VCAN: variants seen among roughly 807,000 people sequenced by gnomAD.
VCAN encodes versican core protein.
VCAN carries 44 observed loss-of-function variants against 245.5 expected under a neutral mutation model. That is an observed-to-expected ratio of 0.18 (90% CI 0.14 to 0.23). The LOEUF is 0.23. Ranked by LOEUF, VCAN falls within the 10% of genes least tolerant of loss-of-function variation. The pLI is 1.00. For synonymous variants in VCAN, 1,413 were observed against 1,437.0 expected (o/e 0.98, Z 0.38); for missense variants, 3,793 against 4,057.9 (o/e 0.93, Z 1.77).
In VCAN at chr5:83,471,908, C is replaced by T. The variant is rs1335576338; in HGVS notation, c.-122C>T. 18 of 393,822 alleles carry T rather than the reference C, an allele frequency of 4.6e-5. No homozygotes were observed. Among genetic ancestry groups the T allele is most frequent in the Non-Finnish European group, 3.1e-5 (7 of 223,630 alleles). The allele number at this position is 393,822 out of a possible 1,614,324, so 24.4% of individuals were successfully genotyped here. On this transcript the variant is annotated 5_prime_UTR_variant, in exon 1 of 15. Coordinates refer to ENST00000265077, the MANE Select transcript of VCAN (RefSeq NM_004385.5). ...TCTTCCAGCACCGTCCCGCACCCTCCGCATCCTTCCCCGGGCCACCACGCT... is the reference window on the plus strand; with the variant it reads ...TCTTCCAGCACCGTCCCGCACCCTCTGCATCCTTCCCCGGGCCACCACGCT...
chr5:83,510,914 G>A (rs1451330265), intron 5 of VCAN, among the ~76,000 whole-genome samples: 1 of 152,102 alleles, frequency 6.6e-6, no homozygotes, highest in African/African-American at 2.4e-5. Context: ...AGGAGTTTGA[G>A]GCCAGCCTGG....
chr5:83,559,268 C>G (rs1444478708), intron 12 of VCAN, among the ~76,000 whole-genome samples: 1 of 152,158 alleles, frequency 6.6e-6, no homozygotes, highest in Non-Finnish European at 1.5e-5. Context: ...AAATGAATGA[C>G]TAGTCAGAGT....
intron 6 of VCAN, 119 bp downstream of exon 6, chr5:83,512,515 GA>G (rs1395164855): frequency 3.9e-6 from 5 of 1,270,246 alleles, no homozygotes; most frequent in Admixed American, 4.7e-5. Context: ...GCACGGAATG[GA>G]AACAGTTCAG....
chr5:83,502,076 T>G lies in VCAN; in HGVS notation c.748+8145T>G, dbSNP rs182876422. ...AAATGCAAATGTAATTTTCTTAATT[T>G]TTTTGATTGTTTATTACAAGTGTAC... is the stretch of plus-strand genomic sequence containing the variant. On this transcript the variant is annotated intron_variant, in intron 5 of 14. Transcript: ENST00000265077. 1.1e-4 allele frequency among the ~76,000 whole-genome samples: 16 copies of G among 152,300 alleles called. No homozygotes were observed. In the East Asian group the frequency reaches 3.1e-3, roughly 29 times the overall value.
rs1561259553 is a variant in VCAN at position 83,541,978 on chromosome 5, C to G, written c.8975C>G (p.Pro2992Arg). The change falls in exon 8 of 15, where the codon CCT becomes CGT. Residue 2992 changes from proline to arginine, a missense_variant. Physicochemically the swap from Pro to Arg is moderately radical, Grantham distance 103. Around this residue, in one of 5 missense-constraint regions of VCAN, gnomAD observed 3,182 missense variants for 3,250.3 expected, o/e 0.98. Coordinates refer to ENST00000265077, the MANE Select transcript of VCAN (RefSeq NM_004385.5). ...ATYGVEAGVV[P>R]WLSPQTSERP... ...TATGGGGTCGAGGCAGGTGTGGTGC[C>G]TTGGCTAAGTCCACAGACTTCTGAG... 1.2e-6 allele frequency: 2 copies of G among 1,613,720 alleles called. No individual in the cohort carries two copies. The highest frequency in any genetic ancestry group is 1.7e-6 in the Non-Finnish European group (2 of 1,179,758).
chr5:83,571,499 CAT>C (rs1242057924), intron 12 of VCAN, among the ~76,000 whole-genome samples: 1 of 151,958 alleles, frequency 6.6e-6, no homozygotes, highest in Non-Finnish European at 1.5e-5. Flanking sequence ...ATAAATGACA[CAT>C]ATGATGGAAG....
intron 13 of VCAN, 103 bp downstream of exon 13, chr5:83,572,663 A>G (rs1174596123): frequency 1.4e-6 from 2 of 1,417,770 alleles, no homozygotes; most frequent in Non-Finnish European, 9.9e-7. Context: ...CACAAACTGG[A>G]TATGTCCATG....
At chr5:83,571,176 A>G (rs536961099) in intron 12 of VCAN, among the ~76,000 whole-genome samples, 2 of 152,310 alleles carry the variant, frequency 1.3e-5, no homozygotes, top group South Asian at 4.1e-4. Context: ...CGCTGAACAA[A>G]CAAACTTGTC....
At chr5:83,479,368 T>C (rs571548381) in intron 1 of VCAN, among the ~76,000 whole-genome samples, 2 of 152,208 alleles carry the variant, frequency 1.3e-5, no homozygotes, top group South Asian at 2.1e-4. Context: ...CCATCCCTGG[T>C]GTGTCCCTTA....
Position 83,538,104 on chromosome 5 carries a change from G to C in VCAN, c.5101G>C (p.Val1701Leu), listed in dbSNP as rs538311388. The change falls in exon 8 of 15, where the codon GTG (valine) becomes CTG (leucine). Residue 1701 changes from valine (V) to leucine (L), a missense_variant. Transcript: ENST00000265077. Reference sequence around the variant, plus strand: ...TTCTGAACAACCTTCTGCAAAAGTGGTGCCTACCAAGTTTGTAAGTGAAAC... The same window carrying C: ...TTCTGAACAACCTTCTGCAAAAGTGCTGCCTACCAAGTTTGTAAGTGAAAC... ...PVSEQPSAKV[V>L]PTKFVSETDT... 8 of 1,614,048 alleles carry C rather than the reference G, an allele frequency of 5.0e-6. No homozygotes were observed.
intron 12 of VCAN, among the ~76,000 whole-genome samples, chr5:83,556,359 T>A (rs1329031877): frequency 2.0e-5 from 3 of 152,104 alleles, no homozygotes; most frequent in Non-Finnish European, 4.4e-5. Context: ...TTAAAAAGAG[T>A]GTATCCCTTG....
intron 13 of VCAN, among the ~76,000 whole-genome samples, chr5:83,575,544 T>C (rs2112504222): frequency 6.6e-6 from 1 of 152,316 alleles, no homozygotes; most frequent in East Asian, 1.9e-4. Context: ...TTTTCTCCTA[T>C]AGCAGGGTTT....
intron 9 of VCAN, 62 bp from the exon 10 acceptor site, chr5:83,547,909 C>A: frequency 8.2e-7 from 1 of 1,215,478 alleles, no homozygotes; most frequent in Non-Finnish European, 1.2e-6. Flanking sequence ...CAACCTCACA[C>A]TAAATGGAAT....
chr5:83,536,384 G>A (rs1746707755), intron 7 of VCAN: 1 of 152,164 alleles, frequency 6.6e-6, no homozygotes, highest in Non-Finnish European at 1.5e-5. Flanking sequence ...ACAGTAGGTA[G>A]AGGATGCCAT....
At chr5:83,567,230 T>A (rs1368289907) in intron 12 of VCAN, among the ~76,000 whole-genome samples, 2 of 152,052 alleles carry the variant, frequency 1.3e-5, no homozygotes, top group African/African-American at 4.8e-5. Context: ...ATAAAATAAT[T>A]ATCTCTTAAT....
At chr5:83,506,754 CT>C (rs2112381438) in intron 5 of VCAN, among the ~76,000 whole-genome samples, 1 of 152,224 alleles carries the variant, frequency 6.6e-6, no homozygotes, top group African/African-American at 2.4e-5. Flanking sequence ...ATACCCGAGA[CT>C]GAGAAGAAAA....
chr5:83,550,685 G>C (rs1747426367), intron 10 of VCAN, among the ~76,000 whole-genome samples: 1 of 151,770 alleles, frequency 6.6e-6, no homozygotes, highest in South Asian at 2.1e-4. Context: ...TCAGAAGTTC[G>C]AGACCAGCCT....
At chr5:83,491,797 G>A (rs536072840) in intron 3 of VCAN, among the ~76,000 whole-genome samples, 2 of 152,254 alleles carry the variant, frequency 1.3e-5, no homozygotes, top group South Asian at 4.1e-4. Flanking sequence ...GGTCGAGGAG[G>A]CCTCTTTGTG....
At position 83,537,857 on chromosome 5, in the gene VCAN, C is replaced by A. The variant is rs1185446318; in HGVS notation, c.4854C>A (p.Ser1618Arg). ...WPDDLLSTKE[S>R]WVEATPRQVV... ...ATGACCTGTTGTCTACCAAAGAAAG[C>A]TGGGTAGAAGCAACTCCTAGACAAG... The change falls in exon 8 of 15, where the codon AGC (serine) becomes AGA (arginine). Residue 1618 changes from serine (S) to arginine (R), a missense_variant. This residue lies in a region of VCAN where 3,182 missense variants were observed against 3,250.3 expected (regional missense o/e 0.98). Coordinates refer to ENST00000265077, the MANE Select transcript of VCAN (RefSeq NM_004385.5). The A allele has an allele frequency of 6.2e-7, 1 of 1,613,810 alleles. No homozygotes were observed. Among genetic ancestry groups the A allele is most frequent in the Non-Finnish European group, 8.5e-7 (1 of 1,179,938 alleles).
Sources: allele counts gnomAD v4.1 joint callset (sites outside exome capture counted in the v4.1 genomes callset), GRCh38; gene constraint gnomAD v4.1.1; regional missense constraint gnomAD v4.1.1; transcripts MANE v1.5; gene names NCBI Gene and HGNC (gene_info 2026-07-23, HGNC 2026-07-21).